Variants in TRPM2 observed in about 807,000 individuals in gnomAD.
The protein encoded by TRPM2 is estrogen-responsive element-associated gene 1 protein.
TRPM2 carries 161 observed loss-of-function variants against 174.0 expected under a neutral mutation model. That is an observed-to-expected ratio of 0.93 (90% CI 0.81 to 1.05). TRPM2 has a LOEUF of 1.05. TRPM2 is among the 50% of genes least tolerant of loss of function. The probability of loss-of-function intolerance (pLI) is 0.00; values close to 1 mark genes in which losing one functional copy is unlikely to be tolerated. For missense variants in TRPM2, 2,057 were observed against 2,038.0 expected (o/e 1.01, Z -0.18); for synonymous variants, 954 against 861.3 (o/e 1.11, Z -1.88).
At position 44,367,041 on chromosome 21, in the gene TRPM2, G is replaced by T; in HGVS notation, c.604+107G>T. On this transcript the variant is annotated intron_variant, in intron 4 of 31. Coordinates refer to ENST00000397928, the MANE Select transcript of TRPM2 (RefSeq NM_003307.4). The surrounding 1 kb of genome is among the most constrained non-coding windows in gnomAD (Gnocchi z 4.6). ...AGGACCCAAAAAGTCCCTGGGAGCC[G>T]CCGAGGCTGTGCCCCAGCCTGAGTC... 1 of 1,339,270 alleles carries T rather than the reference G, an allele frequency of 7.5e-7. No homozygotes were observed. Among genetic ancestry groups the T allele is most frequent in the South Asian group, 1.5e-5 (1 of 65,830 alleles). 83.0% of individuals were successfully genotyped at this position (1,339,270 alleles called of 1,614,324 possible). A position where few individuals can be genotyped will look rare whatever the true frequency, so the allele number is the denominator to read the frequency against.
At chr21:44,374,742 C>A (rs1028710355) in intron 5 of TRPM2, among the ~76,000 whole-genome samples, 1 of 152,106 alleles carries the variant, frequency 6.6e-6, no homozygotes, top group African/African-American at 2.4e-5. Flanking sequence ...CGATGGGGAG[C>A]GGCTGTAAAT....
intron 22 of TRPM2, among the ~76,000 whole-genome samples, chr21:44,419,114 A>G (rs897864258): frequency 6.6e-6 from 1 of 152,148 alleles, no homozygotes; most frequent in African/African-American, 2.4e-5. Flanking sequence ...GCAGGGCCTA[A>G]TGGCCCAGCA....
rs774031744 is a variant in TRPM2 at position 44,418,045 on chromosome 21, C to A, written c.3265C>A (p.His1089Asn). 4 of 1,613,302 alleles carry A rather than the reference C, an allele frequency of 2.5e-6. No individual in the cohort carries two copies. The South Asian group carries it at 4.4e-5, about 18-fold the overall frequency. ...GCCGCCCCCCTTCATCCTCCTCAGC[C>A]ACCTGCAGCTCTTCATCAAGAGGGT... ...AAPPPFILLS[H>N]LQLFIKRVVL... The change falls in exon 21 of 32, where the codon CAC (histidine) becomes AAC (asparagine). Residue 1089 changes from histidine to asparagine, a missense_variant. Physicochemically the swap from His to Asn is moderately conservative, Grantham distance 68. Transcript: ENST00000397928.
Position 44,391,170 on chromosome 21 carries a change from A to C in TRPM2, c.1441-102A>C, listed in dbSNP as rs1272569540. The C allele has an allele frequency of 3.3e-6, 5 of 1,536,306 alleles. No homozygotes were observed. The African/African-American group carries it at 5.5e-5, about 17-fold the overall frequency. Reference sequence around the variant, plus strand: ...GACCTGGGCAGCTTTCATCCTCCCCAGGTTGGGGACAACAGCAGCCCCCAT... The same window carrying C: ...GACCTGGGCAGCTTTCATCCTCCCCCGGTTGGGGACAACAGCAGCCCCCAT... On this transcript the variant is annotated intron_variant, in intron 10 of 31. Coordinates refer to ENST00000397928, the MANE Select transcript of TRPM2 (RefSeq NM_003307.4). This position sits in a 1 kb window ranked among gnomAD's most constrained non-coding sequence, Gnocchi z 5.0.
At chr21:44,422,150 C>G in intron 22 of TRPM2, 1 of 1,198,998 alleles carries the variant, frequency 8.3e-7, no homozygotes, top group Non-Finnish European at 1.1e-6. Flanking sequence ...AGGGCCCTAG[C>G]CTGGTCACCG....
intron 18 of TRPM2, 39 bp downstream of exon 18, chr21:44,406,076 G>A: frequency 1.9e-6 from 3 of 1,597,366 alleles, no homozygotes; most frequent in Non-Finnish European, 2.5e-6. Flanking sequence ...GCGGCCTGCA[G>A]CCCAGGGTGG....
At chr21:44,379,218 G>A (rs199570639) in intron 8 of TRPM2, 21 bp downstream of exon 8, 42 of 1,608,330 alleles carry the variant, frequency 2.6e-5, no homozygotes, top group Middle Eastern at 1.7e-4. Flanking sequence ...CGGGCACGAC[G>A]GTCACCAGCA....
intron 9 of TRPM2, 96 bp from the exon 10 acceptor site, chr21:44,390,808 G>A (rs2049148970): frequency 6.5e-7 from 1 of 1,545,244 alleles, no homozygotes; most frequent in Admixed American, 1.7e-5. Context: ...GAGAGGCAAG[G>A]GCTCATGACA....
chr21:44,353,985 C>T lies in TRPM2; in HGVS notation c.165+120C>T, dbSNP rs561828733. 7.4e-6 allele frequency: 9 copies of T among 1,219,376 alleles called. No homozygotes were observed. The East Asian group carries it at 2.1e-4, about 28-fold the overall frequency. The allele number at this position is 1,219,376 out of a possible 1,614,324, so 75.5% of individuals were successfully genotyped here. A position where few individuals can be genotyped will look rare whatever the true frequency, so the allele number is the denominator to read the frequency against. Reference sequence around the variant, plus strand: ...AAAGGGTCTGCTGACCTTGGGGGCTCCTGCCCAACCATACCTTTGGGAGAA... The same window carrying T: ...AAAGGGTCTGCTGACCTTGGGGGCTTCTGCCCAACCATACCTTTGGGAGAA... On this transcript the variant is annotated intron_variant, in intron 1 of 31. Coordinates refer to ENST00000397928, the MANE Select transcript of TRPM2 (RefSeq NM_003307.4).
At chr21:44,428,566 C>G (rs113617641) in intron 27 of TRPM2, among the ~76,000 whole-genome samples, 5,578 of 143,932 alleles carry the variant, frequency 0.039, 296 homozygotes, top group African/African-American at 0.12. Context: ...AGGTGTGGCT[C>G]CTCCCTGAGG....
intron 2 of TRPM2, among the ~76,000 whole-genome samples, chr21:44,356,658 G>T (rs1336030869): frequency 6.6e-6 from 1 of 151,872 alleles, no homozygotes; most frequent in Non-Finnish European, 1.5e-5. Context: ...GGCCAGGCTG[G>T]TCTGGAACTC....
chr21:44,415,709 G>C (rs967337401), intron 20 of TRPM2: 1 of 152,122 alleles, frequency 6.6e-6, no homozygotes, highest in Non-Finnish European at 1.5e-5. Flanking sequence ...CTAGTGTCTT[G>C]AAGTCTTATC....
Position 44,426,701 on chromosome 21 carries a change from G to A in TRPM2, c.3837G>A (p.Glu1279=), listed in dbSNP as rs1416007766. 1.9e-6 allele frequency: 3 copies of A among 1,614,044 alleles called. No homozygotes were observed. Among genetic ancestry groups the A allele is most frequent in the Non-Finnish European group, 2.5e-6 (3 of 1,180,028 alleles). The change falls in exon 26 of 32, where the codon GAG becomes GAA. Residue 1279 remains glutamate (E), a synonymous_variant. Coordinates refer to ENST00000397928, the MANE Select transcript of TRPM2 (RefSeq NM_003307.4). ...LIYDPPFYTA[E]RKDAAAMDPM... is the part of the protein sequence containing the mutation. ...ATGACCCACCCTTTTACACGGCAGA[G>A]AGGAAGGACGCGGCCGCCATGGACC...
In TRPM2 at chr21:44,432,241, G is replaced by A. The variant is rs2051050543; in HGVS notation, c.3975-2890G>A. On this transcript the variant is annotated intron_variant, in intron 27 of 31. Transcript: ENST00000397928. The surrounding 1 kb of genome is among the most constrained non-coding windows in gnomAD (Gnocchi z 4.9). ...TGAAATCAAGGACCACACTCCCTCT[G>A]AGGGCTTGAGGGGAGACCTCTTCCT... 6.6e-5 allele frequency among the ~76,000 whole-genome samples: 10 copies of A among 152,200 alleles called. No individual in the cohort carries two copies. The highest frequency in any genetic ancestry group is 6.5e-4 in the Admixed American group (10 of 15,284).
chr21:44,398,031 C>T (rs1298054796), intron 13 of TRPM2, among the ~76,000 whole-genome samples, 155 bp downstream of exon 13: 21 of 152,196 alleles, frequency 1.4e-4, no homozygotes, highest in Admixed American at 6.5e-5. Context: ...GTCCTCATCC[C>T]GGAGTCTCGG....
chr21:44,401,834 C>A lies in TRPM2; in HGVS notation c.2475C>A (p.Pro825=), dbSNP rs866453733. 8.7e-6 allele frequency: 14 copies of A among 1,613,938 alleles called. No individual in the cohort carries two copies. Among genetic ancestry groups the A allele is most frequent in the Non-Finnish European group, 1.2e-5 (14 of 1,180,024 alleles). Residue 825 remains proline, a synonymous_variant, in exon 16 of 32, where the codon CCC becomes CCA. Coordinates refer to ENST00000397928, the MANE Select transcript of TRPM2 (RefSeq NM_003307.4). ...TCATGGTGGACTTCCAGCCTGTGCC[C>A]TCCTGGTGCGAGTGTGCCATCTACC... ...YVLMVDFQPV[P]SWCECAIYLW...
At chr21:44,414,545 G>C (rs1278831861) in intron 20 of TRPM2, 1 of 159,176 alleles carries the variant, frequency 6.3e-6, no homozygotes, top group Non-Finnish European at 1.4e-5. Flanking sequence ...CTGAGCAAAA[G>C]GGCTCGCTGC....
chr21:44,407,791 C>T (rs1368305033), intron 19 of TRPM2, among the ~76,000 whole-genome samples: 3 of 151,712 alleles, frequency 2.0e-5, no homozygotes, highest in Non-Finnish European at 4.4e-5. Context: ...CTGAAGAGGA[C>T]CCCGCTGTGT....
Position 44,425,706 on chromosome 21 carries a change from C to T in TRPM2, c.3674C>T (p.Pro1225Leu), listed in dbSNP as rs910458356. ...QKAAEEPDAE[P>L]GGRKKTEEPG... ...GCCGCGGAGGAGCCGGATGCTGAGC[C>T]GGGAGGCAGGAAGAAGACGGAGGAG... The change falls in exon 25 of 32, where the codon CCG becomes CTG. Residue 1225 changes from proline (P) to leucine (L), a missense_variant. By Grantham distance (98) the Pro-to-Leu change is moderately conservative. Coordinates refer to ENST00000397928, the MANE Select transcript of TRPM2 (RefSeq NM_003307.4). 28 of 1,563,152 alleles carry T rather than the reference C, an allele frequency of 1.8e-5. No individual in the cohort carries two copies. The East Asian group carries it at 2.3e-4, about 13-fold the overall frequency.
Sources: allele counts gnomAD v4.1 joint callset (sites outside exome capture counted in the v4.1 genomes callset), GRCh38; gene constraint gnomAD v4.1.1; non-coding constraint Gnocchi (gnomAD v3.1); transcripts MANE v1.5; gene names NCBI Gene and HGNC (gene_info 2026-07-23, HGNC 2026-07-21).